GTF3C5: variants seen among roughly 807,000 people sequenced by gnomAD.
GTF3C5 encodes general transcription factor 3C polypeptide 5.
GTF3C5 carries 47 observed loss-of-function variants against 61.0 expected under a neutral mutation model. That is an observed-to-expected ratio of 0.77 (90% CI 0.61 to 0.98). The LOEUF is 0.98. GTF3C5 is among the 50% of genes least tolerant of loss of function. The pLI is 0.00. For missense variants in GTF3C5, 659 were observed against 703.3 expected (o/e 0.94, Z 0.71); for synonymous variants, 295 against 275.4 (o/e 1.07, Z -0.71).
At position 133,031,187 on chromosome 9, in the gene GTF3C5, G is replaced by A. The variant is rs749563492; in HGVS notation, c.153+23G>A. ...CGGGTAAGGGGCTGGGAATCTCGGTGTTGGAATAAGAGCTCGGAGTCGCAA... is the reference window on the plus strand; with the variant it reads ...CGGGTAAGGGGCTGGGAATCTCGGTATTGGAATAAGAGCTCGGAGTCGCAA... On this transcript the variant is annotated intron_variant, in intron 1 of 10. Coordinates refer to ENST00000372097, the MANE Select transcript of GTF3C5 (RefSeq NM_012087.4). The A allele has an allele frequency of 2.7e-5, 41 of 1,539,658 alleles. No homozygotes were observed. In the East Asian group the frequency reaches 6.8e-4, roughly 26 times the overall value.
At chr9:133,054,655 G>A in intron 7 of GTF3C5, 57 bp from the exon 8 acceptor site, 2 of 1,492,664 alleles carry the variant, frequency 1.3e-6, no homozygotes, top group Non-Finnish European at 1.8e-6. Context: ...TGGTGGTTGG[G>A]AGAGACACCT....
At chr9:133,045,639 T>G (rs965304577) in intron 3 of GTF3C5, among the ~76,000 whole-genome samples, 1 of 152,086 alleles carries the variant, frequency 6.6e-6, no homozygotes, top group Non-Finnish European at 1.5e-5. Context: ...GGCCTTTTTT[T>G]CTTTTTCTTT....
intron 1 of GTF3C5, 79 bp downstream of exon 1, chr9:133,031,243 A>G: frequency 1.5e-6 from 2 of 1,350,586 alleles, no homozygotes; most frequent in Non-Finnish European, 2.0e-6. Context: ...ATTTCTCAGC[A>G]AGGGAAATTT....
chr9:133,047,079 C>T (rs1370903191), intron 3 of GTF3C5, among the ~76,000 whole-genome samples: 1 of 152,190 alleles, frequency 6.6e-6, no homozygotes, highest in African/African-American at 2.4e-5. Flanking sequence ...TCTCCACCCC[C>T]AGTGGCACAG....
chr9:133,036,834 G>A (rs1393207581), intron 1 of GTF3C5, among the ~76,000 whole-genome samples: 3 of 152,152 alleles, frequency 2.0e-5, no homozygotes, highest in East Asian at 1.9e-4. Context: ...TCCCTTCGAC[G>A]TGTTCAGTTC....
intron 3 of GTF3C5, among the ~76,000 whole-genome samples, chr9:133,048,861 G>T (rs750524894): frequency 2.2e-4 from 33 of 152,186 alleles, no homozygotes; most frequent in Non-Finnish European, 4.3e-4. Flanking sequence ...TCAGTTTCCA[G>T]CACCTGGAAA....
chr9:133,057,024 C>T, intron 10 of GTF3C5, 116 bp downstream of exon 10: 1 of 1,002,696 alleles, frequency 1.0e-6, no homozygotes, highest in Non-Finnish European at 1.4e-6. Context: ...ATCATCTTGC[C>T]CCTGGCCCTG....
chr9:133,057,138 C>T (rs1829962175), intron 10 of GTF3C5, among the ~76,000 whole-genome samples: 1 of 152,248 alleles, frequency 6.6e-6, no homozygotes, highest in African/African-American at 2.4e-5. Context: ...CGGTCCGGGG[C>T]AGGAGACAAG....
At chr9:133,040,162 C>T (rs533344766) in intron 1 of GTF3C5, among the ~76,000 whole-genome samples, 1 of 152,208 alleles carries the variant, frequency 6.6e-6, no homozygotes, top group Non-Finnish European at 1.5e-5. Flanking sequence ...TTGAGCACCT[C>T]CCCTGTGCCA....
chr9:133,053,914 T>C lies in GTF3C5; in HGVS notation c.960T>C (p.Asp320=). The C allele has an allele frequency of 3.7e-6, 6 of 1,612,438 alleles. No individual in the cohort carries two copies. Among genetic ancestry groups the C allele is most frequent in the Non-Finnish European group, 5.1e-6 (6 of 1,178,524 alleles). ...NPDAKIYQVL[D]FRIRCGMKHG... ...ATGCCAAGATTTATCAAGTCCTCGA[T>C]TTCCGAATCCGTTGTGGAATGAAAC... is the stretch of plus-strand genomic sequence containing the variant. Residue 320 remains aspartate, a synonymous_variant, in exon 6 of 11, where the codon GAT becomes GAC. Transcript: ENST00000372097.
intron 2 of GTF3C5, among the ~76,000 whole-genome samples, chr9:133,042,651 G>A (rs932304392): frequency 6.6e-6 from 1 of 152,204 alleles, no homozygotes; most frequent in African/African-American, 2.4e-5. Context: ...TGTCTCGGCT[G>A]CTGTTGGTCT....
At chr9:133,030,731 C>A (rs775195499), upstream of GTF3C5, 60 of 555,026 alleles carry the variant, frequency 1.1e-4, no homozygotes, top group Non-Finnish European at 1.7e-4. Context: ...CCGGGTCCCT[C>A]GCTGGCTAGT....
At chr9:133,043,666 G>A (rs570979491) in intron 2 of GTF3C5, 62 bp from the exon 3 acceptor site, 14 of 1,325,264 alleles carry the variant, frequency 1.1e-5, no homozygotes, top group East Asian at 4.6e-5. Context: ...TGTGGGTGTC[G>A]GTGTGTGGCA....
At position 133,054,725 on chromosome 9, in the gene GTF3C5, C is replaced by T. The variant is rs1309643590; in HGVS notation, c.1083C>T (p.Val361=). The change falls in exon 8 of 11, where the codon GTC becomes GTT. Residue 361 remains valine (V), a synonymous_variant. Coordinates refer to ENST00000372097, the MANE Select transcript of GTF3C5 (RefSeq NM_012087.4). The part of the protein sequence containing the change: ...ITVKKTSSQL[V]TMHDLKQGLG... ...GTCCCCACGCAGCCAGCCAGCTTGT[C>T]ACCATGCATGACCTGAAGCAGGGCC... The T allele has an allele frequency of 6.4e-7, 1 of 1,573,698 alleles. No homozygotes were observed. The highest frequency in any genetic ancestry group is 8.6e-7 in the Non-Finnish European group (1 of 1,159,402).
At chr9:133,033,804 T>C (rs2118967207) in intron 1 of GTF3C5, among the ~76,000 whole-genome samples, 1 of 152,320 alleles carries the variant, frequency 6.6e-6, no homozygotes, top group Admixed American at 6.5e-5. Flanking sequence ...ATCCATTCCA[T>C]CCAGGCGTTT....
chr9:133,039,311 A>G (rs1849967765), intron 1 of GTF3C5, among the ~76,000 whole-genome samples: 1 of 152,240 alleles, frequency 6.6e-6, no homozygotes, highest in South Asian at 2.1e-4. Context: ...AAAAAAGGAA[A>G]AAAAAATTTA....
chr9:133,041,688 T>C (rs1850044767), intron 1 of GTF3C5, among the ~76,000 whole-genome samples: 1 of 152,174 alleles, frequency 6.6e-6, no homozygotes, highest in Admixed American at 6.5e-5. Context: ...TTTTCTTTTA[T>C]GTCTTTGTCT....
At chr9:133,039,886 G>A (rs1315704684) in intron 1 of GTF3C5, among the ~76,000 whole-genome samples, 2 of 152,158 alleles carry the variant, frequency 1.3e-5, no homozygotes, top group Non-Finnish European at 2.9e-5. Context: ...ACATCTACAT[G>A]GTACAAGGGG....
In GTF3C5 at chr9:133,056,071, G is replaced by C; in HGVS notation, c.1227G>C (p.Gln409His). ...ALPPYRQMFY[Q>H]LCDLNVEELQ... ...CACCCTATCGGCAGATGTTCTACCA[G>C]TTATGCGACTTGAATGTGGAAGAGT... Residue 409 changes from glutamine to histidine, a missense_variant, in exon 9 of 11, where the codon CAG becomes CAC. Physicochemically the swap from Gln to His is conservative, Grantham distance 24. Coordinates refer to ENST00000372097, the MANE Select transcript of GTF3C5 (RefSeq NM_012087.4). The C allele has an allele frequency of 6.2e-7, 1 of 1,614,060 alleles. No homozygotes were observed. Among genetic ancestry groups the C allele is most frequent in the South Asian group, 1.1e-5 (1 of 91,084 alleles).
Sources: gnomAD v4.1 joint callset for allele counts (sites outside exome capture counted in the v4.1 genomes callset) on GRCh38, gnomAD v4.1.1 for gene constraint, MANE v1.5 for transcripts, NCBI Gene and HGNC (gene_info 2026-07-23, HGNC 2026-07-21) for gene names.